RELN: variants seen among roughly 807,000 people sequenced by gnomAD.
RELN encodes reelin.
Under a neutral mutation model 427.6 loss-of-function variants are expected in RELN, and 108 were observed. That is an observed-to-expected ratio of 0.25 (90% CI 0.22 to 0.30). The LOEUF (loss-of-function observed/expected upper bound fraction) is 0.30. Ranked by LOEUF, RELN falls within the 10% of genes least tolerant of loss-of-function variation. The probability of loss-of-function intolerance (pLI) is 1.00; values close to 1 mark genes in which losing one functional copy is unlikely to be tolerated. For missense variants in RELN, 3,715 were observed against 4,302.8 expected (o/e 0.86, Z 3.82); for synonymous variants, 1,524 against 1,513.4 (o/e 1.01, Z -0.16).
intron 1 of RELN, among the ~76,000 whole-genome samples, chr7:103,947,468 A>C (rs1335557612): frequency 6.6e-6 from 1 of 152,244 alleles, no homozygotes; most frequent in Non-Finnish European, 1.5e-5. Flanking sequence ...CATGCATAAA[A>C]GGAATGCAAT....
At chr7:103,561,740 T>C (rs957657014) in intron 35 of RELN, 31 bp from the exon 36 acceptor site, 1 of 1,613,762 alleles carries the variant, frequency 6.2e-7, no homozygotes, top group Non-Finnish European at 8.5e-7. Flanking sequence ...AGAAAAGACA[T>C]TTGTCACACG....
chr7:103,742,333 A>C (rs1388697642), intron 6 of RELN, among the ~76,000 whole-genome samples: 1 of 152,138 alleles, frequency 6.6e-6, no homozygotes, highest in African/African-American at 2.4e-5. Flanking sequence ...GAGCAGAAAA[A>C]CCGGAAACTC....
chr7:103,946,658 C>T (rs1796226004), intron 1 of RELN, among the ~76,000 whole-genome samples: 1 of 152,162 alleles, frequency 6.6e-6, no homozygotes, highest in African/African-American at 2.4e-5. Context: ...TACTATGTCT[C>T]TTACAACTGA....
At chr7:103,509,644 A>G (rs1289919112) in intron 51 of RELN, among the ~76,000 whole-genome samples, 1 of 152,246 alleles carries the variant, frequency 6.6e-6, no homozygotes, top group Non-Finnish European at 1.5e-5. Flanking sequence ...CAAAAGCCAA[A>G]GTAGACCAAT....
intron 6 of RELN, among the ~76,000 whole-genome samples, chr7:103,733,131 A>G (rs1231427902): frequency 1.3e-5 from 2 of 152,210 alleles, no homozygotes; most frequent in Non-Finnish European, 2.9e-5. Context: ...TGGGCGAAGG[A>G]CATGAACAGA....
chr7:103,737,614 T>C (rs1179352358), intron 6 of RELN, among the ~76,000 whole-genome samples: 1 of 152,254 alleles, frequency 6.6e-6, no homozygotes, highest in Non-Finnish European at 1.5e-5. Context: ...AGTATTTCTA[T>C]ACTATTTGTT....
chr7:103,557,347 A>G (rs561522210), intron 37 of RELN, among the ~76,000 whole-genome samples, 188 bp from the exon 38 acceptor site: 1 of 152,322 alleles, frequency 6.6e-6, no homozygotes, highest in East Asian at 1.9e-4. Context: ...CTCGAAATAC[A>G]CACCAAAGCT....
In RELN at chr7:103,594,181, G is replaced by GT. The variant is rs1220249629; in HGVS notation, c.3711+139dup. 1.5e-5 allele frequency: 14 copies of GT among 906,816 alleles called. No homozygotes were observed. In the Admixed American group the frequency reaches 2.5e-4, roughly 16 times the overall value. 56.2% of individuals were successfully genotyped at this position (906,816 alleles called of 1,614,324 possible). On this transcript the variant is annotated intron_variant, in intron 26 of 64. Coordinates refer to ENST00000428762, the MANE Select transcript of RELN (RefSeq NM_005045.4). ...ATCTGTGAAGTGGTAGCATAGAGAG[G>GT]TAACAAAAAATTAAGTACAAGCCCT... is the stretch of plus-strand genomic sequence containing the variant.
intron 2 of RELN, among the ~76,000 whole-genome samples, chr7:103,860,072 C>A (rs886982517): frequency 6.6e-6 from 1 of 152,120 alleles, no homozygotes; most frequent in African/African-American, 2.4e-5. Context: ...GCGAGCTTAG[C>A]CACAATAAAT....
At chr7:103,761,073 A>G (rs1214392481) in intron 4 of RELN, among the ~76,000 whole-genome samples, 1 of 152,232 alleles carries the variant, frequency 6.6e-6, no homozygotes, top group Non-Finnish European at 1.5e-5. Flanking sequence ...AATTATACAC[A>G]GAACCAGCAA....
At chr7:103,522,602 T>C (rs1829734773) in intron 47 of RELN, among the ~76,000 whole-genome samples, 1 of 152,128 alleles carries the variant, frequency 6.6e-6, no homozygotes, top group Non-Finnish European at 1.5e-5. Flanking sequence ...CAAGGGGCCA[T>C]GGTGCTAACA....
chr7:103,701,174 C>A (rs941989564), intron 8 of RELN, among the ~76,000 whole-genome samples, 168 bp from the exon 9 acceptor site: 10 of 151,904 alleles, frequency 6.6e-5, no homozygotes, highest in Non-Finnish European at 1.3e-4. Context: ...CTGGTAACTA[C>A]CATTTGATAA....
intron 1 of RELN, among the ~76,000 whole-genome samples, chr7:103,983,796 C>T (rs962261490): frequency 3.3e-5 from 5 of 151,998 alleles, no homozygotes; most frequent in Admixed American, 1.3e-4. Flanking sequence ...CTCCACCTTC[C>T]TTTTTTTCCG....
At chr7:103,838,026 C>T (rs371506026) in intron 2 of RELN, among the ~76,000 whole-genome samples, 14 of 151,544 alleles carry the variant, frequency 9.2e-5, no homozygotes, top group East Asian at 5.8e-4. Context: ...GGTAACACGG[C>T]GAAACACCGT....
At chr7:103,702,588 T>C (rs747763403) in intron 8 of RELN, among the ~76,000 whole-genome samples, 10 of 152,242 alleles carry the variant, frequency 6.6e-5, no homozygotes, top group Non-Finnish European at 1.5e-5. Context: ...TATTTTCTTA[T>C]GCTACCATCT....
Position 103,953,024 on chromosome 7 carries a change from C to T in RELN, c.227-35839G>A, listed in dbSNP as rs1211226496. On this transcript the variant is annotated intron_variant, in intron 1 of 64. Transcript: ENST00000428762. The surrounding 1 kb of genome is among the most constrained non-coding windows in gnomAD (Gnocchi z 4.3). ...ATAATCTCATAGCCACTACTGCATT[C>T]ACCTCCCAATGTGCCTTATGATGGT... Among the ~76,000 whole-genome samples, 1 of 152,118 alleles carries T rather than the reference C, an allele frequency of 6.6e-6. No individual in the cohort carries two copies. Among genetic ancestry groups the T allele is most frequent in the Non-Finnish European group, 1.5e-5 (1 of 68,020 alleles).
intron 2 of RELN, among the ~76,000 whole-genome samples, chr7:103,899,531 C>T (rs945444829): frequency 1.3e-5 from 2 of 152,024 alleles, no homozygotes; most frequent in Non-Finnish European, 2.9e-5. Context: ...AACATCAATG[C>T]GAAAATCCTC....
At chr7:103,514,353 A>G (rs1412638586) in intron 50 of RELN, among the ~76,000 whole-genome samples, 1 of 151,628 alleles carries the variant, frequency 6.6e-6, no homozygotes, top group Non-Finnish European at 1.5e-5. Flanking sequence ...AATGAAAACA[A>G]GACATTAAAA....
At chr7:103,874,792 T>A (rs1794437393) in intron 2 of RELN, among the ~76,000 whole-genome samples, 3 of 150,214 alleles carry the variant, frequency 2.0e-5, no homozygotes, top group Admixed American at 1.3e-4. Flanking sequence ...CCAAGGTCAT[T>A]TACAGATTCA....
Sources: allele counts gnomAD v4.1 joint callset (sites outside exome capture counted in the v4.1 genomes callset), GRCh38; gene constraint gnomAD v4.1.1; non-coding constraint Gnocchi (gnomAD v3.1); transcripts MANE v1.5; gene names NCBI Gene and HGNC (gene_info 2026-07-23, HGNC 2026-07-21).